UBXN7: variants seen among roughly 807,000 people sequenced by gnomAD.
The protein encoded by UBXN7 is UBX domain-containing protein 7.
A neutral mutation model predicts 58.0 loss-of-function variants in UBXN7; 9 were observed. That is an observed-to-expected ratio of 0.16 (90% confidence interval 0.09 to 0.27). The LOEUF (loss-of-function observed/expected upper bound fraction) is 0.27, where lower values mean the gene tolerates loss of function less well. UBXN7 is among the 10% of genes least tolerant of loss of function. The pLI is 1.00. For synonymous variants in UBXN7, 208 were observed against 205.0 expected, an observed-to-expected ratio of 1.01 and a Z score of -0.12; for missense variants, 328 against 599.6, an observed-to-expected ratio of 0.55 and a Z score of 4.73.
intron 5 of UBXN7, among the ~76,000 whole-genome samples, chr3:196,386,380 T>TAAAAAAAAA (rs34268326): frequency 6.3e-3 from 364 of 57,706 alleles, no homozygotes; most frequent in East Asian, 0.012. Context: ...TAATAAACAC[T>TAAAAAAAAA]AAAAAAAAAA....
At chr3:196,407,182 A>T in intron 2 of UBXN7, 64 bp downstream of exon 2, 1 of 1,572,052 alleles carries the variant, frequency 6.4e-7, no homozygotes, top group Non-Finnish European at 8.6e-7. Flanking sequence ...CCTAGCTTTG[A>T]TAAAAATGCA....
At position 196,376,545 on chromosome 3, in the gene UBXN7, CAAAAAAAAAAAAA is replaced by C. The variant is rs777458391; in HGVS notation, c.469-4516_469-4504del. Among the ~76,000 whole-genome samples the C allele has an allele frequency of 1.4e-4, 7 of 50,930 alleles. No homozygotes were observed. In the Admixed American group the frequency reaches 1.4e-3, roughly 10 times the overall value. The allele number at this position is 50,930 out of a possible 152,430, so 33.4% of individuals were successfully genotyped here. ...TGGGCGACAGAGCGAGACTCTGTCT[CAAAAAAAAAAAAA>C]AAAAAAAAAAGAAAAGAAAAGAAAA... On this transcript the variant is annotated intron_variant, in intron 5 of 10. Coordinates refer to ENST00000296328, the MANE Select transcript of UBXN7 (RefSeq NM_015562.2).
rs990776838 is a variant in UBXN7, at chr3:196,347,719, T to C, written c.*8966A>G. The C allele has an allele frequency of 1.3e-5, 2 of 152,172 alleles. No individual in the cohort carries two copies. Among genetic ancestry groups the C allele is most frequent in the African/African-American group, 4.8e-5 (2 of 41,438 alleles). The allele number at this position is 152,172 out of a possible 1,614,324, so 9.4% of individuals were successfully genotyped here. On this transcript the variant is annotated 3_prime_UTR_variant, in exon 11 of 11. Coordinates refer to ENST00000296328, the MANE Select transcript of UBXN7 (RefSeq NM_015562.2). ...CAAATATTACAACAGGACATTTACA[T>C]GTATTTATAAAAAAATGCAGCAGTT... is the stretch of plus-strand genomic sequence containing the variant.
At chr3:196,394,937 C>A (rs1206644179) in intron 3 of UBXN7, among the ~76,000 whole-genome samples, 3 of 152,064 alleles carry the variant, frequency 2.0e-5, no homozygotes, top group African/African-American at 7.2e-5. Context: ...TGTCTATTAC[C>A]CAGTCTTTAA....
intron 1 of UBXN7, among the ~76,000 whole-genome samples, chr3:196,426,716 C>T (rs1485327376): frequency 4.0e-5 from 6 of 151,892 alleles, no homozygotes; most frequent in Middle Eastern, 3.4e-3. Context: ...GGCGTGGTGG[C>T]GCATGCCTGT....
intron 1 of UBXN7, among the ~76,000 whole-genome samples, chr3:196,418,808 C>A (rs2108623140): frequency 6.6e-6 from 1 of 152,272 alleles, no homozygotes; most frequent in Middle Eastern, 3.4e-3. Flanking sequence ...ACGGAAGTAA[C>A]AACTGTAATA....
chr3:196,429,974 A>G (rs1279236593), intron 1 of UBXN7, among the ~76,000 whole-genome samples: 1 of 152,222 alleles, frequency 6.6e-6, no homozygotes, highest in African/African-American at 2.4e-5. Context: ...CCTAATAAAA[A>G]TGTTGCAACA....
chr3:196,385,900 G>A (rs910422160), intron 5 of UBXN7, among the ~76,000 whole-genome samples: 4 of 152,218 alleles, frequency 2.6e-5, no homozygotes, highest in Non-Finnish European at 4.4e-5. Context: ...CATTGAGAAC[G>A]GGCCATGATG....
Position 196,385,264 on chromosome 3 carries a change from G to A in UBXN7, c.468+6549C>T, listed in dbSNP as rs189454505. 7.4e-3 allele frequency among the ~76,000 whole-genome samples: 1,120 copies of A among 152,318 alleles called. 17 individuals are homozygous for A. The highest frequency in any genetic ancestry group is 0.025 in the African/African-American group (1,047 of 41,570). On this transcript the variant is annotated intron_variant, in intron 5 of 10. Transcript: ENST00000296328. ...AGTGATCTGCCAGCCTCGGCCTCCCGAGGTGCCGGGATTGCAGACGGAGTC... is the reference window on the plus strand; with the variant it reads ...AGTGATCTGCCAGCCTCGGCCTCCCAAGGTGCCGGGATTGCAGACGGAGTC...
chr3:196,403,327 T>C (rs1404849234), intron 2 of UBXN7, among the ~76,000 whole-genome samples: 1 of 152,102 alleles, frequency 6.6e-6, no homozygotes, highest in Admixed American at 6.6e-5. Flanking sequence ...CTGGCTAATT[T>C]GTTTTCATAT....
chr3:196,385,821 G>A (rs190545261), intron 5 of UBXN7, among the ~76,000 whole-genome samples: 1,468 of 145,894 alleles, frequency 0.01, 19 homozygotes, highest in Middle Eastern at 0.029. Flanking sequence ...CTGCCCGGCC[G>A]CCCCGTCTGG....
At chr3:196,376,173 G>A (rs767482388) in intron 5 of UBXN7, among the ~76,000 whole-genome samples, 14 of 152,014 alleles carry the variant, frequency 9.2e-5, no homozygotes, top group Non-Finnish European at 1.6e-4. Flanking sequence ...ATTTTTCCTT[G>A]TTCATTTTCT....
chr3:196,395,922 C>A (rs1441674829), intron 3 of UBXN7, among the ~76,000 whole-genome samples: 1 of 152,018 alleles, frequency 6.6e-6, no homozygotes, highest in Non-Finnish European at 1.5e-5. Context: ...TGTGCCACCA[C>A]GCCCAGCCAA....
chr3:196,391,849 T>A lies in UBXN7; in HGVS notation c.432A>T (p.Pro144=). ...TGCCTTTATGCATCAAATCAATGGG[T>A]GGCCGGAATAGATCTGCAAGGGTAG... ...KLTTLADLFR[P]PIDLMHKGSF... The change falls in exon 5 of 11, where the codon CCA becomes CCT. Residue 144 remains proline (P), a synonymous_variant. Transcript: ENST00000296328. The A allele has an allele frequency of 6.2e-7, 1 of 1,613,046 alleles. No individual in the cohort carries two copies. Among genetic ancestry groups the A allele is most frequent in the Non-Finnish European group, 8.5e-7 (1 of 1,179,784 alleles).
chr3:196,370,523 C>G (rs1259744336), intron 6 of UBXN7, among the ~76,000 whole-genome samples: 2 of 150,786 alleles, frequency 1.3e-5, no homozygotes, highest in African/African-American at 4.9e-5. Flanking sequence ...CTCAAGAGTC[C>G]AGCACAGTGC....
At chr3:196,373,087 A>G (rs1359768319) in intron 5 of UBXN7, among the ~76,000 whole-genome samples, 5 of 152,144 alleles carry the variant, frequency 3.3e-5, no homozygotes, top group Admixed American at 1.3e-4. Context: ...ATTGGTGTGT[A>G]TATTTTACTT....
chr3:196,430,413 A>G (rs1375162605), intron 1 of UBXN7, among the ~76,000 whole-genome samples: 1 of 151,988 alleles, frequency 6.6e-6, no homozygotes, highest in East Asian at 1.9e-4. Flanking sequence ...TTTTTGAGAA[A>G]TGATCTTGCT....
chr3:196,393,676 A>T (rs1729653517), intron 3 of UBXN7, 57 bp from the exon 4 acceptor site: 2 of 1,519,630 alleles, frequency 1.3e-6, no homozygotes, highest in African/African-American at 1.4e-5. Flanking sequence ...AAACAATTCT[A>T]AAAATGTCCT....
At chr3:196,390,511 G>C (rs999020998) in intron 5 of UBXN7, among the ~76,000 whole-genome samples, 3 of 152,124 alleles carry the variant, frequency 2.0e-5, no homozygotes, top group Non-Finnish European at 4.4e-5. Context: ...GGAGGCTGAG[G>C]TGGGCAGATC....
Sources: gnomAD v4.1 joint callset for allele counts (sites outside exome capture counted in the v4.1 genomes callset) on GRCh38, gnomAD v4.1.1 for gene constraint, MANE v1.5 for transcripts, NCBI Gene and HGNC (gene_info 2026-07-23, HGNC 2026-07-21) for gene names.